The following ULK4 variants were observed in gnomAD, a reference collection of about 807,000 sequenced individuals.
ULK4 encodes the protein inactive serine/threonine-protein kinase ULK4.
Under a neutral mutation model 160.6 loss-of-function variants are expected in ULK4, and 133 were observed. That is an observed-to-expected ratio of 0.83 (90% CI 0.72 to 0.96). The LOEUF is 0.96. Among genes scored for constraint, ULK4 ranks in the 40% least tolerant of loss-of-function variants. ULK4 has a pLI of 0.00. For synonymous variants in ULK4, 534 were observed against 539.8 expected, an observed-to-expected ratio of 0.99 and a Z score of 0.15; for missense variants, 1,580 against 1,499.5, an observed-to-expected ratio of 1.05 and a Z score of -0.89.
chr3:41,707,309 A>G (rs2036935871), intron 25 of ULK4, among the ~76,000 whole-genome samples: 2 of 152,192 alleles, frequency 1.3e-5, no homozygotes, highest in Non-Finnish European at 2.9e-5. Context: ...TGGTCTGGGC[A>G]ATAATTTTTT....
At chr3:41,840,574 C>A (rs1381934042) in intron 17 of ULK4, among the ~76,000 whole-genome samples, 1 of 152,232 alleles carries the variant, frequency 6.6e-6, no homozygotes, top group Admixed American at 6.5e-5. Context: ...CAGGGTTTTG[C>A]CCTGTTGACC....
rs139635968 is a variant in ULK4 at position 41,627,510 on chromosome 3, A to C, written c.3072-11793T>G. On this transcript the variant is annotated intron_variant, in intron 30 of 36. Transcript: ENST00000301831. ...GGCAAGGACACACTGTCATCTCCAA[A>C]GGGATTCTCCATCTCCATCTACGCT... is the stretch of plus-strand genomic sequence containing the variant. Among the ~76,000 whole-genome samples, 161 of 152,332 alleles carry C rather than the reference A, an allele frequency of 1.1e-3. 2 individuals are homozygous for C. Among genetic ancestry groups the C allele is most frequent in the African/African-American group, 3.8e-3 (159 of 41,574 alleles).
chr3:41,606,488 G>C (rs922847865), intron 31 of ULK4, among the ~76,000 whole-genome samples: 3 of 152,000 alleles, frequency 2.0e-5, no homozygotes, highest in African/African-American at 7.2e-5. Context: ...ATAAATCCCA[G>C]AAGTGGGATT....
At chr3:41,831,007 ATTT>A (rs757743394) in intron 18 of ULK4, among the ~76,000 whole-genome samples, 2,789 of 146,754 alleles carry the variant, frequency 0.019, 58 homozygotes, top group Non-Finnish European at 0.024. Context: ...TGTTTTTATT[ATTT>A]TTTTTATTTA....
At chr3:41,546,757 C>T (rs953349414) in intron 32 of ULK4, among the ~76,000 whole-genome samples, 19 of 133,468 alleles carry the variant, frequency 1.4e-4, no homozygotes, top group Non-Finnish European at 1.6e-4. Flanking sequence ...TACTTTCCTC[C>T]CTAGGCCCTT....
At position 41,754,467 on chromosome 3, in the gene ULK4, G is replaced by C. The variant is rs374239789; in HGVS notation, c.2215C>G (p.Arg739Gly). 2 of 1,612,684 alleles carry C rather than the reference G, an allele frequency of 1.2e-6. No individual in the cohort carries two copies. The highest frequency in any genetic ancestry group is 1.7e-6 in the Non-Finnish European group (2 of 1,179,472). The change falls in exon 22 of 37, where the codon CGT (arginine) becomes GGT (glycine). Residue 739 changes from arginine (R) to glycine (G), a missense_variant. Arg to Gly is a moderately radical substitution (Grantham distance 125). Transcript: ENST00000301831. ...QEKGFVSTII[R>G]LLDSPSTCIR... ...CATGTTGAGGGGCTGTCAAGTAAAC[G>C]GATAATTGTGGAGACAAAACCCTGT...
At chr3:41,893,234 A>C in intron 16 of ULK4, among the ~76,000 whole-genome samples, 1 of 152,258 alleles carries the variant, frequency 6.6e-6, no homozygotes, top group South Asian at 2.1e-4. Context: ...GTTATACAAC[A>C]ATGAGAATGA....
At chr3:41,543,929 ACTTTC>A (rs754448832) in intron 32 of ULK4, among the ~76,000 whole-genome samples, 43 of 152,188 alleles carry the variant, frequency 2.8e-4, no homozygotes, top group Non-Finnish European at 4.3e-4. Context: ...TCATTTCCAC[ACTTTC>A]CTTTAATTCT....
At chr3:41,288,539 C>T (rs1432209713) in intron 35 of ULK4, among the ~76,000 whole-genome samples, 1 of 152,138 alleles carries the variant, frequency 6.6e-6, no homozygotes, top group Admixed American at 6.6e-5. Context: ...GAATATCCTG[C>T]TATAGCCCAA....
rs556835411 is a variant in ULK4, at chr3:41,741,144, A to G, written c.2321+13217T>C. ...TTTAGTTTGTTTTTCTTCATTTTAT[A>G]TATACATATATATTTAATTATAGGA... On this transcript the variant is annotated intron_variant, in intron 22 of 36. Transcript: ENST00000301831. 8.6e-5 allele frequency among the ~76,000 whole-genome samples: 13 copies of G among 151,958 alleles called. No homozygotes were observed. In the South Asian group the frequency reaches 2.5e-3, roughly 29 times the overall value.
At chr3:41,738,364 C>G (rs1409794151) in intron 22 of ULK4, among the ~76,000 whole-genome samples, 1 of 151,816 alleles carries the variant, frequency 6.6e-6, no homozygotes, top group Non-Finnish European at 1.5e-5. Context: ...TTAGAAGAAC[C>G]ACCAGCATGT....
At chr3:41,635,045 A>G (rs1452038279) in intron 30 of ULK4, among the ~76,000 whole-genome samples, 1 of 152,168 alleles carries the variant, frequency 6.6e-6, no homozygotes. Flanking sequence ...GTGAAATGAA[A>G]ACGGTCAAAA....
intron 35 of ULK4, among the ~76,000 whole-genome samples, chr3:41,316,550 G>C (rs975924010): frequency 1.3e-5 from 2 of 152,156 alleles, no homozygotes; most frequent in Admixed American, 6.5e-5. Flanking sequence ...ACTTATAAGT[G>C]AGAGTTAAAT....
rs548524660 is a variant in ULK4, at chr3:41,694,298, C to T, written c.2781+10759G>A. On this transcript the variant is annotated intron_variant, in intron 27 of 36. Coordinates refer to ENST00000301831, the MANE Select transcript of ULK4 (RefSeq NM_017886.4). ...AGTACGTATAGCCGTCCCTCAGTAT[C>T]CACAGGGGACTGGCTCCAGGGACAG... is the stretch of plus-strand genomic sequence containing the variant. 2.6e-5 allele frequency among the ~76,000 whole-genome samples: 4 copies of T among 152,288 alleles called. No individual in the cohort carries two copies. In the East Asian group the frequency reaches 5.8e-4, roughly 22 times the overall value.
intron 32 of ULK4, among the ~76,000 whole-genome samples, chr3:41,540,389 AG>A (rs2086654862): frequency 6.6e-6 from 1 of 152,206 alleles, no homozygotes; most frequent in Admixed American, 6.5e-5. Flanking sequence ...ATGGCTGCAT[AG>A]TATTCTATAG....
At chr3:41,934,922 G>A (rs748138757) in intron 4 of ULK4, among the ~76,000 whole-genome samples, 1 of 151,402 alleles carries the variant, frequency 6.6e-6, no homozygotes, top group Non-Finnish European at 1.5e-5. Context: ...AGTGCATTAA[G>A]TAATTACTCA....
intron 32 of ULK4, among the ~76,000 whole-genome samples, chr3:41,475,549 T>G (rs2084115283): frequency 6.6e-6 from 1 of 152,236 alleles, no homozygotes. Context: ...GATTTAATTA[T>G]TCCACATTAT....
chr3:41,893,352 T>C (rs1401195677), intron 16 of ULK4, among the ~76,000 whole-genome samples: 2 of 152,206 alleles, frequency 1.3e-5, no homozygotes, highest in African/African-American at 4.8e-5. Flanking sequence ...TATTACTATA[T>C]GTGAATTATA....
intron 27 of ULK4, among the ~76,000 whole-genome samples, chr3:41,684,194 G>A (rs1329059628): frequency 1.3e-5 from 2 of 152,200 alleles, no homozygotes; most frequent in Non-Finnish European, 2.9e-5. Context: ...TCTTACGGAA[G>A]CTACACAGAA....
Sources: gnomAD v4.1 joint callset for allele counts (sites outside exome capture counted in the v4.1 genomes callset) on GRCh38, gnomAD v4.1.1 for gene constraint, MANE v1.5 for transcripts, NCBI Gene and HGNC (gene_info 2026-07-23, HGNC 2026-07-21) for gene names.